DAG1: variants seen among roughly 807,000 people sequenced by gnomAD.
The protein encoded by DAG1 is dystroglycan 1, also known as dystroglycan 1 (dystrophin-associated glycoprotein 1).
A neutral mutation model predicts 46.1 loss-of-function variants in DAG1; 8 were observed. The observed-to-expected ratio is 0.17, with a 90% confidence interval of 0.10 to 0.31. The LOEUF is 0.31. Ranked by LOEUF, DAG1 falls within the 10% of genes least tolerant of loss-of-function variation. DAG1 has a pLI of 1.00. For missense variants in DAG1, 1,003 were observed against 1,189.9 expected (o/e 0.84, Z 2.31); for synonymous variants, 495 against 481.8 (o/e 1.03, Z -0.36).
intron 1 of DAG1, chr3:49,493,036 CTTTTTTTTTT>C (rs55708660): frequency 2.7e-4 from 23 of 86,382 alleles, no homozygotes; most frequent in Admixed American, 1.8e-3. Flanking sequence ...TATTTTTATT[CTTTTTTTTTT>C]TTTTTTTTTT....
rs989504282 is a variant in DAG1 at position 49,486,959 on chromosome 3, G to A, written c.-117+16526G>A. On this transcript the variant is annotated intron_variant, in intron 1 of 2. Coordinates refer to ENST00000308775, the MANE Select transcript of DAG1 (RefSeq NM_004393.6). Reference sequence around the variant, plus strand: ...GGCTGGAGTGCAGTGGTGTGATCTTGGCTCACTGGATCCTCTGCCTCCCAG... The same window carrying A: ...GGCTGGAGTGCAGTGGTGTGATCTTAGCTCACTGGATCCTCTGCCTCCCAG... 2.0e-5 allele frequency among the ~76,000 whole-genome samples: 3 copies of A among 152,054 alleles called. No homozygotes were observed. In the South Asian group the frequency reaches 6.2e-4, roughly 32 times the overall value.
intron 2 of DAG1, among the ~76,000 whole-genome samples, chr3:49,512,848 G>T (rs925068370): frequency 6.6e-6 from 1 of 151,648 alleles, no homozygotes; most frequent in African/African-American, 2.4e-5. Context: ...TTTAGATAGG[G>T]TCTTACTCTG....
At chr3:49,489,032 G>A (rs1452188287) in intron 1 of DAG1, among the ~76,000 whole-genome samples, 1 of 152,072 alleles carries the variant, frequency 6.6e-6, no homozygotes, top group Non-Finnish European at 1.5e-5. Context: ...GACCTGGGAA[G>A]GAGACCTGCT....
intron 2 of DAG1, among the ~76,000 whole-genome samples, chr3:49,529,875 A>T (rs2051292895): frequency 6.6e-6 from 1 of 152,162 alleles, no homozygotes; most frequent in Non-Finnish European, 1.5e-5. Context: ...TGCTCTGAGT[A>T]TGACCAGTTA....
At chr3:49,480,256 A>T (rs1461690976) in intron 1 of DAG1, among the ~76,000 whole-genome samples, 1 of 133,910 alleles carries the variant, frequency 7.5e-6, no homozygotes, top group African/African-American at 2.8e-5. Context: ...CTGGTCATGA[A>T]TATAACATTT....
chr3:49,472,341 C>T (rs1484479371), intron 1 of DAG1, among the ~76,000 whole-genome samples: 2 of 152,024 alleles, frequency 1.3e-5, no homozygotes, highest in Non-Finnish European at 2.9e-5. Context: ...ATGCATGGGC[C>T]AGAAGACCAA....
intron 1 of DAG1, among the ~76,000 whole-genome samples, chr3:49,499,212 T>A (rs1351427335): frequency 6.6e-6 from 1 of 152,160 alleles, no homozygotes; most frequent in African/African-American, 2.4e-5. Context: ...AATAGAGAGC[T>A]GTTGTTTCAG....
chr3:49,532,420 T>A lies in DAG1; in HGVS notation c.1909T>A (p.Phe637Ile). Residue 637 changes from phenylalanine to isoleucine, a missense_variant, in exon 3 of 3, where the codon TTT (phenylalanine) becomes ATT (isoleucine). Physicochemically the swap from Phe to Ile is conservative, Grantham distance 21. This residue lies in a region of DAG1 where 755 missense variants were observed against 854.1 expected (regional missense o/e 0.88). Transcript: ENST00000308775. The surrounding 1 kb of genome is among the most constrained non-coding windows in gnomAD (Gnocchi z 5.4). ...IALVKKLAFA[F>I]GDRNCSTITL... ...CTTGGTAAAGAAACTGGCCTTCGCC[T>A]TTGGAGACCGAAACTGTAGCACCAT... 1.2e-6 allele frequency: 2 copies of A among 1,614,212 alleles called. No homozygotes were observed. Among genetic ancestry groups the A allele is most frequent in the Non-Finnish European group, 1.7e-6 (2 of 1,180,028 alleles).
rs1478195400 is a variant in DAG1 at position 49,510,567 on chromosome 3, G to T, written c.33G>T (p.Leu11=). 1 of 1,613,832 alleles carries T rather than the reference G, an allele frequency of 6.2e-7. No homozygotes were observed. Among genetic ancestry groups the T allele is most frequent in the East Asian group, 2.2e-5 (1 of 44,880 alleles). Reference sequence around the variant, plus strand: ...TGTCTGTGGGCCTCTCGCTGCTGCTGCCCCTCTCGGGGAGGACCTTTCTCC... The same window carrying T: ...TGTCTGTGGGCCTCTCGCTGCTGCTTCCCCTCTCGGGGAGGACCTTTCTCC... MRMSVGLSLL[L]PLSGRTFLLL... The change falls in exon 2 of 3, where the codon CTG becomes CTT. Residue 11 remains leucine, a synonymous_variant. Transcript: ENST00000308775.
intron 1 of DAG1, among the ~76,000 whole-genome samples, chr3:49,478,538 T>TA (rs1553642852): frequency 1.1e-4 from 15 of 134,220 alleles, no homozygotes; most frequent in Admixed American, 1.5e-4. Context: ...TTTTTTTTTT[T>TA]TTTTTTTTTT....
intron 1 of DAG1, among the ~76,000 whole-genome samples, chr3:49,507,957 T>C (rs2050652308): frequency 6.6e-6 from 1 of 152,136 alleles, no homozygotes; most frequent in Non-Finnish European, 1.5e-5. Context: ...TAGAGTTGTT[T>C]ATAGTGTTTC....
intron 1 of DAG1, among the ~76,000 whole-genome samples, chr3:49,504,799 G>C (rs1460615110): frequency 9.7e-5 from 12 of 123,374 alleles, no homozygotes; most frequent in Non-Finnish European, 3.3e-5. Context: ...TTTTAGTAGA[G>C]ACGGGGTTTC....
chr3:49,489,899 G>T (rs1288855771), intron 1 of DAG1, among the ~76,000 whole-genome samples: 1 of 151,638 alleles, frequency 6.6e-6, no homozygotes, highest in Admixed American at 6.6e-5. Context: ...GGGGTTTGAG[G>T]TAAGTGGGGT....
At chr3:49,498,528 AT>A (rs2050370593) in intron 1 of DAG1, among the ~76,000 whole-genome samples, 1 of 152,026 alleles carries the variant, frequency 6.6e-6, no homozygotes, top group Non-Finnish European at 1.5e-5. Flanking sequence ...CAGAAACTTT[AT>A]ATTAATGTTG....
In DAG1 at chr3:49,510,629, C is replaced by A. The variant is rs1314811375; in HGVS notation, c.95C>A (p.Pro32His). 5.6e-6 allele frequency: 9 copies of A among 1,614,104 alleles called. No individual in the cohort carries two copies. The South Asian group carries it at 9.9e-5, about 18-fold the overall frequency. ...GTGGTTATGGCTCAGTCCCACTGGC[C>A]CAGTGAACCCTCAGAGGCTGTCAGG... ...LSVVMAQSHW[P>H]SEPSEAVRDW... The change falls in exon 2 of 3, where the codon CCC becomes CAC. Residue 32 changes from proline to histidine, a missense_variant. Physicochemically the swap from Pro to His is moderately conservative, Grantham distance 77. Around this residue, in one of 3 missense-constraint regions of DAG1, gnomAD observed 196 missense variants for 239.1 expected, o/e 0.82. Transcript: ENST00000308775.
intron 2 of DAG1, among the ~76,000 whole-genome samples, chr3:49,525,392 A>G (rs900799870): frequency 2.0e-5 from 3 of 152,134 alleles, no homozygotes; most frequent in African/African-American, 4.8e-5. Flanking sequence ...TTTATAGAGA[A>G]AAGAGTTTTA....
Position 49,533,346 on chromosome 3 carries a change from C to A in DAG1, c.*147C>A. On this transcript the variant is annotated 3_prime_UTR_variant, in exon 3 of 3. Coordinates refer to ENST00000308775, the MANE Select transcript of DAG1 (RefSeq NM_004393.6). ...CACTGACACAGGGGCCTGGACAAGC[C>A]CGCCCTCTCTGGTCCTCCCAAACCC... 2.4e-6 allele frequency: 3 copies of A among 1,250,786 alleles called. No individual in the cohort carries two copies. The highest frequency in any genetic ancestry group is 3.4e-6 in the Non-Finnish European group (3 of 886,212). 77.5% of individuals were successfully genotyped at this position (1,250,786 alleles called of 1,614,324 possible). A position where few individuals can be genotyped will look rare whatever the true frequency, so the allele number is the denominator to read the frequency against.
intron 2 of DAG1, among the ~76,000 whole-genome samples, chr3:49,517,886 GT>G (rs1464154152): frequency 1.4e-4 from 21 of 152,246 alleles, no homozygotes; most frequent in Admixed American, 1.4e-3. Flanking sequence ...ACAGTGGTGG[GT>G]TGCAGAGCTC....
At position 49,532,796 on chromosome 3, in the gene DAG1, C is replaced by T; in HGVS notation, c.2285C>T (p.Ala762Val). 1 of 1,614,066 alleles carries T rather than the reference C, an allele frequency of 6.2e-7. No homozygotes were observed. The highest frequency in any genetic ancestry group is 8.5e-7 in the Non-Finnish European group (1 of 1,180,020). ...GTCATTCCGGCCGTGGTGGTCGCAG[C>T]CATCCTGCTCATTGCTGGCATCATT... is the stretch of plus-strand genomic sequence containing the variant. ...HTVIPAVVVAAILLIAGIIAM... is the reference protein window; with the variant it reads ...HTVIPAVVVAVILLIAGIIAM... Residue 762 changes from alanine (A) to valine (V), a missense_variant, in exon 3 of 3, where the codon GCC becomes GTC. Ala to Val is a moderately conservative substitution (Grantham distance 64). Coordinates refer to ENST00000308775, the MANE Select transcript of DAG1 (RefSeq NM_004393.6). The surrounding 1 kb of genome is among the most constrained non-coding windows in gnomAD (Gnocchi z 5.4).
Sources: gnomAD v4.1 joint callset for allele counts (sites outside exome capture counted in the v4.1 genomes callset) on GRCh38, gnomAD v4.1.1 for gene constraint, gnomAD v4.1.1 regional missense constraint, Gnocchi (gnomAD v3.1) non-coding constraint, MANE v1.5 for transcripts, NCBI Gene and HGNC (gene_info 2026-07-23, HGNC 2026-07-21) for gene names.